SRGAP2C: variants seen among roughly 807,000 people sequenced by gnomAD.
SRGAP2C encodes the protein SLIT-ROBO Rho GTPase-activating protein 2C.
In SRGAP2C, 15 loss-of-function variants were observed where a neutral mutation model predicts 25.1. The ratio of observed to expected loss-of-function variants is 0.60; its 90% CI spans 0.40 to 0.92. The LOEUF is 0.92. Among genes scored for constraint, SRGAP2C ranks in the 40% least tolerant of loss-of-function variants. The pLI, the probability that SRGAP2C is intolerant of heterozygous loss-of-function variation, is 0.00. For synonymous variants in SRGAP2C, 44 were observed against 96.6 expected (o/e 0.46, Z 3.19); for missense variants, 144 against 264.4 (o/e 0.54, Z 3.16).
intron 2 of SRGAP2C, among the ~76,000 whole-genome samples, chr1:121,259,843 C>CTTT (rs782529398): frequency 1.4e-4 from 15 of 107,726 alleles, no homozygotes; most frequent in East Asian, 3.0e-4. Context: ...TCTTCTTCTA[C>CTTT]TTTTTTTTTT....
intron 3 of SRGAP2C, among the ~76,000 whole-genome samples, chr1:121,305,835 C>A (rs1300047908): frequency 7.0e-6 from 1 of 143,192 alleles, no homozygotes; most frequent in South Asian, 2.4e-4. Context: ...TTCTCTTCAC[C>A]GTCCCTGTCC....
chr1:121,314,874 C>T (rs1376380632), intron 3 of SRGAP2C: 35 of 576,680 alleles, frequency 6.1e-5, no homozygotes, highest in East Asian at 9.7e-5. Flanking sequence ...GTGTCGCTCA[C>T]GCTGGGAGCT....
chr1:121,224,805 C>T (rs1378585246), intron 2 of SRGAP2C, among the ~76,000 whole-genome samples: 2 of 152,110 alleles, frequency 1.3e-5, no homozygotes, highest in South Asian at 2.1e-4. Context: ...AGAGAATGTA[C>T]AAGACCCGGG....
chr1:121,308,903 C>A lies in SRGAP2C; in HGVS notation c.261-15575C>A, dbSNP rs1553339782. 1.2e-4 allele frequency among the ~76,000 whole-genome samples: 16 copies of A among 128,866 alleles called. No homozygotes were observed. In the South Asian group the frequency reaches 3.9e-3, roughly 32 times the overall value. 84.5% of individuals were successfully genotyped at this position (128,866 alleles called of 152,430 possible). On this transcript the variant is annotated intron_variant, in intron 3 of 9. Coordinates refer to ENST00000367123, the MANE Select transcript of SRGAP2C (RefSeq NM_001329984.2). Reference sequence around the variant, plus strand: ...GCGGTGAGCCGAGATCGCACCATTGCACTCTAGCCTGGACAACAAGAGTGA... The same window carrying A: ...GCGGTGAGCCGAGATCGCACCATTGAACTCTAGCCTGGACAACAAGAGTGA...
chr1:121,314,478 T>C (rs1476468368), intron 3 of SRGAP2C, among the ~76,000 whole-genome samples: 2 of 152,234 alleles, frequency 1.3e-5, no homozygotes, highest in Non-Finnish European at 2.9e-5. Flanking sequence ...AGAAACTGCG[T>C]TCCTTTGGAG....
At chr1:121,379,020 C>A (rs1409443958) in intron 7 of SRGAP2C, among the ~76,000 whole-genome samples, 1 of 152,192 alleles carries the variant, frequency 6.6e-6, no homozygotes, top group African/African-American at 2.4e-5. Flanking sequence ...TCTTCTGGCT[C>A]TCTCAACCCA....
intron 5 of SRGAP2C, among the ~76,000 whole-genome samples, chr1:121,366,559 TAA>T (rs1453151139): frequency 4.0e-5 from 6 of 150,716 alleles, no homozygotes; most frequent in Non-Finnish European, 7.4e-5. Context: ...CAAATGAAGT[TAA>T]GAGGTTTTTA....
intron 2 of SRGAP2C, among the ~76,000 whole-genome samples, chr1:121,278,173 C>T (rs1657155275): frequency 6.6e-6 from 1 of 151,912 alleles, no homozygotes; most frequent in African/African-American, 2.4e-5. Flanking sequence ...TCTGGAACTC[C>T]TGAGCTCTAG....
Position 121,284,917 on chromosome 1 carries a change from T to C in SRGAP2C, c.182T>C (p.Met61Thr), listed in dbSNP as rs1361069414. The C allele has an allele frequency of 6.3e-5, 98 of 1,544,086 alleles. 4 individuals are homozygous for C. Among genetic ancestry groups the C allele is most frequent in the Non-Finnish European group, 8.1e-5 (93 of 1,142,892 alleles). Residue 61 changes from methionine to threonine, a missense_variant, in exon 3 of 10, where the codon ATG becomes ACG. Met to Thr is a moderately conservative substitution (Grantham distance 81). Transcript: ENST00000367123. ...TTCCGAAAGAAGGCAGAGATTGAGA[T>C]GGACTACTCCCGCAACCTGGAGAAG... ...DFFRKKAEIEMDYSRNLEKLA... is the reference protein window; with the variant it reads ...DFFRKKAEIETDYSRNLEKLA...
At chr1:121,343,386 T>C (rs1213674516) in intron 4 of SRGAP2C, among the ~76,000 whole-genome samples, 1 of 152,026 alleles carries the variant, frequency 6.6e-6, no homozygotes, top group Non-Finnish European at 1.5e-5. Context: ...ATTAAAGTTA[T>C]CAGTGCGTAT....
In SRGAP2C at chr1:121,389,173, A is replaced by C. The variant is rs1660015162; in HGVS notation, c.*1318A>C. 1 of 152,184 alleles carries C rather than the reference A, an allele frequency of 6.6e-6. No homozygotes were observed. Among genetic ancestry groups the C allele is most frequent in the Non-Finnish European group, 1.5e-5 (1 of 68,024 alleles). The allele number at this position is 152,184 out of a possible 1,614,324, so 9.4% of individuals were successfully genotyped here. On this transcript the variant is annotated 3_prime_UTR_variant, in exon 10 of 10. Coordinates refer to ENST00000367123, the MANE Select transcript of SRGAP2C (RefSeq NM_001329984.2). ...GCATATTTATGAGTAAAATATTAAA[A>C]CCTATACAAAAAAATAACAGAATGG...
intron 3 of SRGAP2C, among the ~76,000 whole-genome samples, chr1:121,302,330 A>G (rs1215294068): frequency 1.3e-5 from 2 of 152,212 alleles, no homozygotes; most frequent in Non-Finnish European, 2.9e-5. Context: ...AAATTTTGCC[A>G]TAATGTTAGA....
At chr1:121,308,353 A>C (rs1553339699) in intron 3 of SRGAP2C, among the ~76,000 whole-genome samples, 1 of 150,728 alleles carries the variant, frequency 6.6e-6, no homozygotes, top group Non-Finnish European at 1.5e-5. Flanking sequence ...CCATGATTCT[A>C]TTTTTGTACA....
intron 2 of SRGAP2C, among the ~76,000 whole-genome samples, chr1:121,263,409 C>A (rs1448621044): frequency 8.2e-6 from 1 of 122,356 alleles, no homozygotes; most frequent in African/African-American, 3.2e-5. Flanking sequence ...CCAGCCTGGG[C>A]GACAGAGTGA....
rs1324722639 is a variant in SRGAP2C at position 121,322,757 on chromosome 1, G to C, written c.261-1721G>C. Among the ~76,000 whole-genome samples, 11 of 149,878 alleles carry C rather than the reference G, an allele frequency of 7.3e-5. No individual in the cohort carries two copies. The South Asian group carries it at 2.3e-3, about 32-fold the overall frequency. On this transcript the variant is annotated intron_variant, in intron 3 of 9. Coordinates refer to ENST00000367123, the MANE Select transcript of SRGAP2C (RefSeq NM_001329984.2). ...CCAAGTAAGTATGGCATGATTATTT[G>C]TTAATAGTTACTACTATAGAATTGG...
At chr1:121,363,936 C>G (rs1659260503) in intron 4 of SRGAP2C, among the ~76,000 whole-genome samples, 1 of 151,532 alleles carries the variant, frequency 6.6e-6, no homozygotes, top group Admixed American at 6.6e-5. Context: ...TTCTAGTTTC[C>G]TTATTATAAT....
intron 2 of SRGAP2C, among the ~76,000 whole-genome samples, chr1:121,195,278 T>G (rs1654802365): frequency 6.6e-6 from 1 of 151,784 alleles, no homozygotes; most frequent in Non-Finnish European, 1.5e-5. Context: ...GGCGTGGTGG[T>G]GGGTGCCTGT....
At chr1:121,225,861 C>T (rs1374917843) in intron 2 of SRGAP2C, among the ~76,000 whole-genome samples, 8 of 138,350 alleles carry the variant, frequency 5.8e-5, no homozygotes, top group Non-Finnish European at 1.1e-4. Context: ...CCCGCCACCA[C>T]GCCCAGCTAA....
intron 1 of SRGAP2C, chr1:121,185,512 C>A: frequency 2.2e-6 from 1 of 462,036 alleles, no homozygotes; most frequent in Non-Finnish European, 3.4e-6. Context: ...TCTCCCAGCC[C>A]TGGCGGACAG....
Sources: allele counts gnomAD v4.1 joint callset (sites outside exome capture counted in the v4.1 genomes callset), GRCh38; gene constraint gnomAD v4.1.1; transcripts MANE v1.5; gene names NCBI Gene and HGNC (gene_info 2026-07-23, HGNC 2026-07-21).